Variants in FAM227B observed in about 807,000 individuals in gnomAD.
FAM227B encodes the protein protein FAM227B.
Under a neutral mutation model 73.8 loss-of-function variants are expected in FAM227B, and 88 were observed. The ratio of observed to expected loss-of-function variants is 1.19; its 90% CI spans 1.00 to 1.42. The LOEUF (loss-of-function observed/expected upper bound fraction) is 1.42, where lower values mean the gene tolerates loss of function less well. Among genes scored for constraint, FAM227B ranks in the 40% most tolerant of loss-of-function variants. The probability of loss-of-function intolerance (pLI) is 0.00; values close to 1 mark genes in which losing one functional copy is unlikely to be tolerated. For synonymous variants in FAM227B, 210 were observed against 190.5 expected (o/e 1.10, Z -0.84); for missense variants, 632 against 590.9 (o/e 1.07, Z -0.72).
rs559006356 is a variant in FAM227B, at chr15:49,346,116, T to G, written c.1272-10620A>C. On this transcript the variant is annotated intron_variant, in intron 13 of 15. Coordinates refer to ENST00000299338, the MANE Select transcript of FAM227B (RefSeq NM_152647.3). ...TGCTGCTGAACACGAAACTTAACCT[T>G]TACTGGCTGCTTGATAGATACCATC... 9.2e-5 allele frequency among the ~76,000 whole-genome samples: 14 copies of G among 152,162 alleles called. 1 individual carries two copies. The highest frequency in any genetic ancestry group is 2.9e-4 in the African/African-American group (12 of 41,524).
intron 11 of FAM227B, among the ~76,000 whole-genome samples, chr15:49,490,828 G>A (rs1408637469): frequency 6.6e-6 from 1 of 151,898 alleles, no homozygotes; most frequent in African/African-American, 2.4e-5. Flanking sequence ...GGCTAGATGA[G>A]AGGGCTTCTA....
intron 9 of FAM227B, among the ~76,000 whole-genome samples, chr15:49,558,843 T>C (rs765008086): frequency 8.5e-5 from 13 of 152,156 alleles, no homozygotes; most frequent in South Asian, 4.2e-4. Context: ...ACTGGACCAC[T>C]TCCCCAGGGC....
chr15:49,342,903 T>G (rs1479701966), intron 13 of FAM227B, among the ~76,000 whole-genome samples: 1 of 152,196 alleles, frequency 6.6e-6, no homozygotes, highest in African/African-American at 2.4e-5. Context: ...TGCTGTAGCC[T>G]GAAGGTGTTC....
intron 10 of FAM227B, among the ~76,000 whole-genome samples, chr15:49,540,295 T>C (rs2070881336): frequency 6.6e-6 from 1 of 152,018 alleles, no homozygotes; most frequent in South Asian, 2.1e-4. Context: ...GAGACCAGAG[T>C]GGTACCTGCC....
chr15:49,611,230 T>C lies in FAM227B; in HGVS notation c.90A>G (p.Leu30=), dbSNP rs761968765. Residue 30 remains leucine (L), a synonymous_variant, in exon 3 of 16, where the codon TTA becomes TTG. Transcript: ENST00000299338. ...QEPPKSIEEF[L]KFQNWDYWPR... is the part of the protein sequence containing the mutation. Reference sequence around the variant, plus strand: ...CTTTACTCACCCAATTTTGAAACTTTAAGAATTCTTCAATGCTCTTTGGAG... The same window carrying C: ...CTTTACTCACCCAATTTTGAAACTTCAAGAATTCTTCAATGCTCTTTGGAG... 12 of 1,590,772 alleles carry C rather than the reference T, an allele frequency of 7.5e-6. No individual in the cohort carries two copies. Among genetic ancestry groups the C allele is most frequent in the African/African-American group, 1.3e-5 (1 of 74,620 alleles).
At chr15:49,549,290 A>C (rs940866861) in intron 9 of FAM227B, among the ~76,000 whole-genome samples, 16 of 131,616 alleles carry the variant, frequency 1.2e-4, no homozygotes, top group African/African-American at 4.6e-4. Context: ...GTTTACTTTC[A>C]AATTTTCTTC....
At chr15:49,345,523 C>T (rs1265079684) in intron 13 of FAM227B, among the ~76,000 whole-genome samples, 2 of 152,148 alleles carry the variant, frequency 1.3e-5, no homozygotes, top group Non-Finnish European at 2.9e-5. Flanking sequence ...TTAGATAAAA[C>T]AGAATACTTA....
At chr15:49,418,839 T>C (rs2049398253) in intron 11 of FAM227B, among the ~76,000 whole-genome samples, 1 of 152,046 alleles carries the variant, frequency 6.6e-6, no homozygotes, top group Non-Finnish European at 1.5e-5. Context: ...ATGCAAAGAA[T>C]AACATATAAA....
chr15:49,373,027 A>AT (rs913915679), intron 11 of FAM227B, among the ~76,000 whole-genome samples: 3 of 151,916 alleles, frequency 2.0e-5, no homozygotes, highest in African/African-American at 4.8e-5. Flanking sequence ...AATAAACCAT[A>AT]TTTTTTTCTT....
At chr15:49,386,514 G>C (rs998879104) in intron 11 of FAM227B, among the ~76,000 whole-genome samples, 2 of 151,830 alleles carry the variant, frequency 1.3e-5, no homozygotes, top group African/African-American at 4.8e-5. Context: ...GTGCTTAGAG[G>C]AAAGTTTATA....
At chr15:49,526,761 T>C (rs1235899652) in intron 10 of FAM227B, among the ~76,000 whole-genome samples, 2 of 152,060 alleles carry the variant, frequency 1.3e-5, no homozygotes, top group African/African-American at 4.8e-5. Flanking sequence ...GAGACTATTT[T>C]GAACATCTCT....
At chr15:49,354,001 T>C (rs191450436) in intron 13 of FAM227B, 188 of 152,342 alleles carry the variant, frequency 1.2e-3, no homozygotes, top group African/African-American at 4.3e-3. Flanking sequence ...ATTATATAAA[T>C]AATGGTAAAA....
In FAM227B at chr15:49,470,844, G is replaced by C. The variant is rs2054674038; in HGVS notation, c.1012+37367C>G. 2.0e-5 allele frequency among the ~76,000 whole-genome samples: 3 copies of C among 152,120 alleles called. No individual in the cohort carries two copies. The South Asian group carries it at 6.2e-4, about 32-fold the overall frequency. On this transcript the variant is annotated intron_variant, in intron 11 of 15. Coordinates refer to ENST00000299338, the MANE Select transcript of FAM227B (RefSeq NM_152647.3). Reference sequence around the variant, plus strand: ...AATGAAGTAGAAATGCAGTGACAAGGGTGTCATCTAGAAAGAATGAAAAGA... The same window carrying C: ...AATGAAGTAGAAATGCAGTGACAAGCGTGTCATCTAGAAAGAATGAAAAGA...
chr15:49,339,853 C>T (rs1375021165), intron 13 of FAM227B, among the ~76,000 whole-genome samples: 2 of 152,116 alleles, frequency 1.3e-5, no homozygotes, highest in East Asian at 3.9e-4. Flanking sequence ...GAGGCAGCAG[C>T]GGCCTTGCTG....
At position 49,476,522 on chromosome 15, in the gene FAM227B, A is replaced by C. The variant is rs182626756; in HGVS notation, c.1012+31689T>G. 1.8e-4 allele frequency among the ~76,000 whole-genome samples: 28 copies of C among 152,032 alleles called. No individual in the cohort carries two copies. In the East Asian group the frequency reaches 5.2e-3, roughly 28 times the overall value. On this transcript the variant is annotated intron_variant, in intron 11 of 15. Coordinates refer to ENST00000299338, the MANE Select transcript of FAM227B (RefSeq NM_152647.3). ...TTTTATTATGACCTTACTCCTCTTT[A>C]CTGTCCATATTTCACAAAAAGAAGT...
intron 11 of FAM227B, among the ~76,000 whole-genome samples, chr15:49,378,193 T>C (rs935219242): frequency 1.3e-5 from 2 of 152,042 alleles, no homozygotes; most frequent in African/African-American, 4.8e-5. Context: ...GTTTCTGGGT[T>C]CTATATTCTG....
At chr15:49,613,597 C>A (rs572435400) in intron 2 of FAM227B, among the ~76,000 whole-genome samples, 12 of 152,166 alleles carry the variant, frequency 7.9e-5, no homozygotes, top group African/African-American at 2.9e-4. Context: ...TAATTTACTG[C>A]ACATTTTAAA....
At chr15:49,406,042 C>T (rs1013595491) in intron 11 of FAM227B, among the ~76,000 whole-genome samples, 17 of 152,180 alleles carry the variant, frequency 1.1e-4, no homozygotes, top group African/African-American at 3.1e-4. Context: ...TCCTGGACTG[C>T]GAGCTCTAAC....
At chr15:49,386,111 AG>A (rs1344642286) in intron 11 of FAM227B, among the ~76,000 whole-genome samples, 2 of 151,882 alleles carry the variant, frequency 1.3e-5, no homozygotes, top group Admixed American at 6.6e-5. Flanking sequence ...AAGTCAACAG[AG>A]GAACAGTGGA....
Sources: gnomAD v4.1 joint callset for allele counts (sites outside exome capture counted in the v4.1 genomes callset) on GRCh38, gnomAD v4.1.1 for gene constraint, MANE v1.5 for transcripts, NCBI Gene and HGNC (gene_info 2026-07-23, HGNC 2026-07-21) for gene names.